The following HCN1 variants were observed in gnomAD, a reference collection of about 807,000 sequenced individuals.
HCN1 encodes the protein potassium/sodium hyperpolarization-activated cyclic nucleotide-gated channel 1.
A neutral mutation model predicts 78.9 loss-of-function variants in HCN1; 13 were observed. The ratio of observed to expected loss-of-function variants is 0.16; its 90% CI spans 0.11 to 0.26. The LOEUF (loss-of-function observed/expected upper bound fraction) is 0.26, where lower values mean the gene tolerates loss of function less well. Among genes scored for constraint, HCN1 ranks in the 10% least tolerant of loss-of-function variants. The pLI, the probability that HCN1 is intolerant of heterozygous loss-of-function variation, is 1.00. For missense variants in HCN1, 810 were observed against 1,154.3 expected, an observed-to-expected ratio of 0.70 and a Z score of 4.32; for synonymous variants, 552 against 455.5, an observed-to-expected ratio of 1.21 and a Z score of -2.70.
chr5:45,370,805 T>A (rs1306298659), intron 4 of HCN1, among the ~76,000 whole-genome samples: 1 of 151,936 alleles, frequency 6.6e-6, no homozygotes, highest in Non-Finnish European at 1.5e-5. Context: ...TGCAAAAAAA[T>A]GTTAAAGATA....
intron 4 of HCN1, among the ~76,000 whole-genome samples, chr5:45,354,691 T>G (rs1258335755): frequency 2.0e-5 from 3 of 151,994 alleles, no homozygotes; most frequent in Admixed American, 6.6e-5. Context: ...GAAATACCAC[T>G]TTGTCGTGAG....
intron 6 of HCN1, among the ~76,000 whole-genome samples, chr5:45,281,357 T>C (rs1378963622): frequency 2.0e-5 from 3 of 152,016 alleles, no homozygotes; most frequent in African/African-American, 4.8e-5. Flanking sequence ...TATGTGCCTA[T>C]TTCCTCTTCA....
At chr5:45,676,454 A>G (rs900246317) in intron 1 of HCN1, among the ~76,000 whole-genome samples, 1 of 151,714 alleles carries the variant, frequency 6.6e-6, no homozygotes, top group Non-Finnish European at 1.5e-5. Flanking sequence ...GTATTTCTGT[A>G]CAAGAAAATC....
chr5:45,516,433 T>TC (rs1334129287), intron 2 of HCN1, among the ~76,000 whole-genome samples: 1 of 152,000 alleles, frequency 6.6e-6, no homozygotes, highest in East Asian at 1.9e-4. Context: ...AGTGATATTT[T>TC]CTTCTTTTGT....
intron 4 of HCN1, among the ~76,000 whole-genome samples, chr5:45,362,378 C>A (rs970055162): frequency 1.3e-5 from 2 of 152,002 alleles, no homozygotes; most frequent in African/African-American, 4.8e-5. Flanking sequence ...GATGACTTTA[C>A]ATAGAATTTC....
Position 45,262,191 on chromosome 5 carries a change from A to T in HCN1, c.2403T>A (p.Ile801=). 1 of 1,613,998 alleles carries T rather than the reference A, an allele frequency of 6.2e-7. No individual in the cohort carries two copies. The highest frequency in any genetic ancestry group is 8.5e-7 in the Non-Finnish European group (1 of 1,180,010). ...PSLPHEVSTL[I]SRPHPTVGES... Reference sequence around the variant, plus strand: ...CGCCCACAGTGGGATGAGGTCTGGAAATCAGAGTGGACACCTCATGGGGCA... The same window carrying T: ...CGCCCACAGTGGGATGAGGTCTGGATATCAGAGTGGACACCTCATGGGGCA... Residue 801 remains isoleucine, a synonymous_variant, in exon 8 of 8, where the codon ATT becomes ATA. Transcript: ENST00000303230.
chr5:45,444,985 C>A (rs564607203), intron 3 of HCN1, among the ~76,000 whole-genome samples: 10 of 152,246 alleles, frequency 6.6e-5, no homozygotes, highest in African/African-American at 2.4e-4. Context: ...TCTGCATTTC[C>A]ATCTGAGGTA....
intron 5 of HCN1, among the ~76,000 whole-genome samples, chr5:45,314,236 C>T (rs981731363): frequency 1.6e-4 from 25 of 152,086 alleles, no homozygotes; most frequent in Admixed American, 2.6e-4. Context: ...GAATTTTCAA[C>T]CCAGAATTTC....
chr5:45,660,658 T>A lies in HCN1; in HGVS notation c.426-15050A>T, dbSNP rs1400886742. 3.1e-3 allele frequency among the ~76,000 whole-genome samples: 456 copies of A among 148,578 alleles called. 2 individuals carry two copies. Among genetic ancestry groups the A allele is most frequent in the Admixed American group, 6.5e-3 (97 of 14,850 alleles). On this transcript the variant is annotated intron_variant, in intron 1 of 7. Transcript: ENST00000303230. ...AAAAAGGCAGGGGTTGCAATCCTAG[T>A]CTCTGATAAAACAGACTTTAAACCA...
intron 4 of HCN1, among the ~76,000 whole-genome samples, chr5:45,371,903 A>G (rs1205305748): frequency 4.4e-5 from 4 of 91,186 alleles, no homozygotes; most frequent in Non-Finnish European, 7.6e-5. Context: ...TATACATTAT[A>G]TTATAAAAAA....
chr5:45,598,657 C>T (rs897015894), intron 2 of HCN1, among the ~76,000 whole-genome samples: 4 of 152,150 alleles, frequency 2.6e-5, no homozygotes, highest in Non-Finnish European at 5.9e-5. Flanking sequence ...AAAATTTTTG[C>T]AATCTGCCTG....
At chr5:45,586,979 T>A (rs933525824) in intron 2 of HCN1, among the ~76,000 whole-genome samples, 3 of 152,268 alleles carry the variant, frequency 2.0e-5, no homozygotes, top group African/African-American at 7.2e-5. Context: ...TTCCATTATA[T>A]CTTTAAGACT....
Position 45,303,584 on chromosome 5 carries a change from A to G in HCN1, c.1618+15T>C, listed in dbSNP as rs773563251. On this transcript the variant is annotated intron_variant, in intron 6 of 7. Transcript: ENST00000303230. The stretch of plus-strand genomic sequence containing the variant: ...GCAGTTTAGATTTCATCTTAGTTGC[A>G]TCTTTTTTACTAACCTCCAAAGTAA... The G allele has an allele frequency of 1.2e-6, 2 of 1,612,884 alleles. No homozygotes were observed. Among genetic ancestry groups the G allele is most frequent in the Non-Finnish European group, 1.7e-6 (2 of 1,179,376 alleles).
intron 2 of HCN1, among the ~76,000 whole-genome samples, chr5:45,582,814 G>T (rs1487707209): frequency 2.0e-5 from 3 of 152,054 alleles, no homozygotes; most frequent in Non-Finnish European, 1.5e-5. Context: ...TTATATACTG[G>T]ATTACATTTA....
intron 7 of HCN1, among the ~76,000 whole-genome samples, chr5:45,265,357 ACACT>A (rs1744835987): frequency 1.3e-5 from 2 of 152,292 alleles, no homozygotes; most frequent in South Asian, 2.1e-4. Flanking sequence ...TCTAACATAA[ACACT>A]CACACACTAC....
At chr5:45,663,246 C>T (rs1156669689) in intron 1 of HCN1, among the ~76,000 whole-genome samples, 7 of 132,732 alleles carry the variant, frequency 5.3e-5, no homozygotes, top group Non-Finnish European at 9.5e-5. Flanking sequence ...GGAAAACTGG[C>T]TAGCCATATG....
chr5:45,283,557 T>A (rs542267336), intron 6 of HCN1, among the ~76,000 whole-genome samples: 5 of 152,204 alleles, frequency 3.3e-5, no homozygotes, highest in African/African-American at 1.2e-4. Context: ...ATATCATTGA[T>A]CATTAGAGAA....
At chr5:45,690,568 G>A (rs1474387118) in intron 1 of HCN1, among the ~76,000 whole-genome samples, 5 of 151,952 alleles carry the variant, frequency 3.3e-5, no homozygotes, top group African/African-American at 1.2e-4. Context: ...GATGCACCAG[G>A]AATCCTGATT....
chr5:45,414,256 T>C (rs1483310), intron 3 of HCN1, among the ~76,000 whole-genome samples: 10,468 of 152,062 alleles, frequency 0.069, 448 homozygotes, highest in East Asian at 0.14. Flanking sequence ...AGTTATTTGT[T>C]AATCTTGTCT....
Sources: allele counts gnomAD v4.1 joint callset (sites outside exome capture counted in the v4.1 genomes callset), GRCh38; gene constraint gnomAD v4.1.1; transcripts MANE v1.5; gene names NCBI Gene and HGNC (gene_info 2026-07-23, HGNC 2026-07-21).